Variants in FOCAD observed in about 807,000 individuals in gnomAD.
The protein encoded by FOCAD is focadhesin.
FOCAD carries 198 observed loss-of-function variants against 225.6 expected under a neutral mutation model. That is an observed-to-expected ratio of 0.88 (90% CI 0.78 to 0.99). The LOEUF (loss-of-function observed/expected upper bound fraction) is 0.99. FOCAD is among the 50% of genes least tolerant of loss of function. The pLI, the probability that FOCAD is intolerant of heterozygous loss-of-function variation, is 0.00. For synonymous variants in FOCAD, 897 were observed against 755.0 expected (o/e 1.19, Z -3.08); for missense variants, 2,713 against 2,123.6 (o/e 1.28, Z -5.46).
intron 1 of FOCAD, among the ~76,000 whole-genome samples, chr9:20,707,924 T>C (rs538716030): frequency 6.6e-6 from 1 of 152,272 alleles, no homozygotes; most frequent in African/African-American, 2.4e-5. Flanking sequence ...ACAATCGAGC[T>C]GCCTGATCTT....
intron 11 of FOCAD, among the ~76,000 whole-genome samples, chr9:20,815,127 T>TTTTTTTTC (rs1564024245): frequency 1.0e-5 from 1 of 99,406 alleles, no homozygotes; most frequent in African/African-American, 4.0e-5. Flanking sequence ...CTCTTTGTTT[T>TTTTTTTTC]TTTTTTTTTG....
At chr9:20,907,024 G>T in intron 21 of FOCAD, 126 bp from the exon 22 acceptor site, 1 of 673,658 alleles carries the variant, frequency 1.5e-6, no homozygotes, top group Non-Finnish European at 2.5e-6. Flanking sequence ...TCTGATCCTA[G>T]ACTGATTTGG....
chr9:20,764,862 C>A lies in FOCAD; in HGVS notation c.495-7C>A. ...AATAACTGGCTAATGTATTTCATGT[C>A]TTATAGGTTAGAAGTTTCATGCATT... On this transcript the variant is annotated splice_polypyrimidine_tract_variant and splice_region_variant and intron_variant, in intron 6 of 43. Transcript: ENST00000338382. 6.2e-7 allele frequency: 1 copy of A among 1,610,544 alleles called. No individual in the cohort carries two copies. The highest frequency in any genetic ancestry group is 8.5e-7 in the Non-Finnish European group (1 of 1,177,618).
At chr9:20,870,233 A>G (rs1829643082) in intron 18 of FOCAD, among the ~76,000 whole-genome samples, 1 of 152,198 alleles carries the variant, frequency 6.6e-6, no homozygotes, top group Non-Finnish European at 1.5e-5. Context: ...TGGTATAAAT[A>G]TGGTGTAACC....
chr9:20,863,927 A>T (rs948769503), intron 16 of FOCAD, among the ~76,000 whole-genome samples: 3 of 151,946 alleles, frequency 2.0e-5, no homozygotes, highest in African/African-American at 7.3e-5. Context: ...CATGGTTGTG[A>T]ATTATCTTTT....
At chr9:20,763,778 G>T (rs975659175) in intron 6 of FOCAD, among the ~76,000 whole-genome samples, 1 of 151,626 alleles carries the variant, frequency 6.6e-6, no homozygotes, top group Non-Finnish European at 1.5e-5. Context: ...ATGATGGAGG[G>T]TGTGTGTGAA....
At chr9:20,932,233 A>G (rs1019145586) in intron 27 of FOCAD, among the ~76,000 whole-genome samples, 4 of 152,142 alleles carry the variant, frequency 2.6e-5, no homozygotes, top group African/African-American at 9.7e-5. Flanking sequence ...ACCTTGGGCA[A>G]AACTGCTATA....
At chr9:20,753,596 A>T (rs1267942640) in intron 5 of FOCAD, among the ~76,000 whole-genome samples, 1 of 151,932 alleles carries the variant, frequency 6.6e-6, no homozygotes, top group Non-Finnish European at 1.5e-5. Context: ...ATCAATGTTC[A>T]TCAAGGATAT....
At chr9:20,911,348 G>C (rs1368200184) in intron 22 of FOCAD, among the ~76,000 whole-genome samples, 4 of 152,110 alleles carry the variant, frequency 2.6e-5, no homozygotes, top group African/African-American at 9.7e-5. Context: ...GTCGGGAGTT[G>C]TGCTAAATAC....
intron 11 of FOCAD, among the ~76,000 whole-genome samples, chr9:20,794,228 G>A (rs1344752244): frequency 6.6e-6 from 1 of 152,134 alleles, no homozygotes; most frequent in Non-Finnish European, 1.5e-5. Context: ...AGGAGGTAAT[G>A]TCCTAAGAGA....
chr9:20,967,003 TG>T (rs1839324350), intron 35 of FOCAD, among the ~76,000 whole-genome samples: 1 of 152,024 alleles, frequency 6.6e-6, no homozygotes, highest in Non-Finnish European at 1.5e-5. Flanking sequence ...TTTAGGTATT[TG>T]GGGCCCCTTG....
chr9:20,923,405 C>G (rs1351896834), intron 24 of FOCAD, among the ~76,000 whole-genome samples: 1 of 152,090 alleles, frequency 6.6e-6, no homozygotes, highest in Non-Finnish European at 1.5e-5. Flanking sequence ...AAACAACTTA[C>G]TAAGCTTGGA....
chr9:20,704,986 G>C (rs974050892), intron 1 of FOCAD, among the ~76,000 whole-genome samples: 1 of 152,136 alleles, frequency 6.6e-6, no homozygotes, highest in African/African-American at 2.4e-5. Flanking sequence ...ACTCTGGAGC[G>C]AGACTACTTA....
intron 15 of FOCAD, among the ~76,000 whole-genome samples, chr9:20,853,831 T>A (rs1827906839): frequency 6.6e-6 from 1 of 151,928 alleles, no homozygotes; most frequent in Non-Finnish European, 1.5e-5. Context: ...AGTCATTTTT[T>A]AAAATACTTA....
chr9:20,763,324 T>G (rs958862708), intron 6 of FOCAD, among the ~76,000 whole-genome samples: 6 of 152,158 alleles, frequency 3.9e-5, no homozygotes, highest in Non-Finnish European at 7.3e-5. Flanking sequence ...TATGTAATAA[T>G]AACAGCTTGT....
intron 22 of FOCAD, 78 bp from the exon 23 acceptor site, chr9:20,912,788 A>T: frequency 8.8e-7 from 1 of 1,141,882 alleles, no homozygotes; most frequent in Non-Finnish European, 1.3e-6. Flanking sequence ...AAAAGGATAT[A>T]TCTGTGTTTT....
intron 3 of FOCAD, among the ~76,000 whole-genome samples, chr9:20,719,222 C>T (rs537765570): frequency 1.3e-5 from 2 of 152,212 alleles, no homozygotes; most frequent in Non-Finnish European, 2.9e-5. Flanking sequence ...GCTGGGACTA[C>T]AGGTGTGTGC....
intron 25 of FOCAD, among the ~76,000 whole-genome samples, chr9:20,925,729 T>G (rs1234367475): frequency 6.6e-6 from 1 of 152,164 alleles, no homozygotes; most frequent in Admixed American, 6.5e-5. Context: ...TTTTTGTTGT[T>G]TTGTTTTTGT....
At position 20,976,414 on chromosome 9, in the gene FOCAD, T is replaced by C; in HGVS notation, c.4133-6T>C. On this transcript the variant is annotated splice_region_variant and splice_polypyrimidine_tract_variant and intron_variant, in intron 35 of 43. Coordinates refer to ENST00000338382, the MANE Select transcript of FOCAD (RefSeq NM_001375567.1). ...TTTTACTATTATTTTTCACTGTCTG[T>C]TATAGGTCCTGAATCTGTGCCTCCT... 6.2e-7 allele frequency: 1 copy of C among 1,612,466 alleles called. No individual in the cohort carries two copies. Among genetic ancestry groups the C allele is most frequent in the South Asian group, 1.1e-5 (1 of 91,052 alleles).
Sources: gnomAD v4.1 joint callset for allele counts (sites outside exome capture counted in the v4.1 genomes callset) on GRCh38, gnomAD v4.1.1 for gene constraint, MANE v1.5 for transcripts, NCBI Gene and HGNC (gene_info 2026-07-23, HGNC 2026-07-21) for gene names.